Variants in SEPTIN10 observed in about 807,000 individuals in gnomAD.
The protein encoded by SEPTIN10 is septin-10.
SEPTIN10 carries 66 observed loss-of-function variants against 54.8 expected under a neutral mutation model. The ratio of observed to expected loss-of-function variants is 1.21; its 90% CI spans 0.99 to 1.48. SEPTIN10 has a LOEUF of 1.48. Among genes scored for constraint, SEPTIN10 ranks in the 40% most tolerant of loss-of-function variants. SEPTIN10 has a pLI of 0.00. For synonymous variants in SEPTIN10, 161 were observed against 181.0 expected, an observed-to-expected ratio of 0.89 and a Z score of 0.89; for missense variants, 620 against 545.6, an observed-to-expected ratio of 1.14 and a Z score of -1.36.
Position 109,593,120 on chromosome 2 carries a change from C to T in SEPTIN10, c.31-1G>A. On this transcript the variant is annotated splice_acceptor_variant, in intron 1 of 10. Coordinates refer to ENST00000397712, the MANE Select transcript of SEPTIN10 (RefSeq NM_144710.5). LOFTEE classifies it high-confidence loss of function. ...TCGTTGCCATGTGAGACTGAAAGAG[C>T]TAAAAAAGGAATACAAAGGCTTAAA... 1 of 1,589,488 alleles carries T rather than the reference C, an allele frequency of 6.3e-7. No homozygotes were observed. The highest frequency in any genetic ancestry group is 2.3e-5 in the East Asian group (1 of 44,056).
At chr2:109,593,296 G>GT (rs902744142) in intron 1 of SEPTIN10, among the ~76,000 whole-genome samples, 177 bp from the exon 2 acceptor site, 121 of 152,102 alleles carry the variant, frequency 8.0e-4, no homozygotes, top group African/African-American at 2.9e-3. Flanking sequence ...TGCTGGATAG[G>GT]TATCTACATA....
intron 8 of SEPTIN10, among the ~76,000 whole-genome samples, chr2:109,559,702 C>A (rs1472726764): frequency 6.6e-6 from 1 of 152,162 alleles, no homozygotes; most frequent in Non-Finnish European, 1.5e-5. Context: ...CACACTCACT[C>A]CTAAACAAGA....
rs540643237 is a variant in SEPTIN10 at position 109,563,438 on chromosome 2, A to G, written c.1028+928T>C. Among the ~76,000 whole-genome samples, 22 of 152,352 alleles carry G rather than the reference A, an allele frequency of 1.4e-4. No homozygotes were observed. In the South Asian group the frequency reaches 4.4e-3, roughly 30 times the overall value. On this transcript the variant is annotated intron_variant, in intron 8 of 10. Coordinates refer to ENST00000397712, the MANE Select transcript of SEPTIN10 (RefSeq NM_144710.5). ...AACAAATGCAAACAATGCAATGGAAAAGGAATCCTCAGTCTCATAAGAGAG... is the reference window on the plus strand; with the variant it reads ...AACAAATGCAAACAATGCAATGGAAGAGGAATCCTCAGTCTCATAAGAGAG...
chr2:109,568,114 A>C, intron 5 of SEPTIN10, 138 bp from the exon 6 acceptor site: 1 of 638,002 alleles, frequency 1.6e-6, no homozygotes, highest in Non-Finnish European at 2.7e-6. Flanking sequence ...ACTACGGTCC[A>C]TCTCGCTGTT....
At chr2:109,564,671 GATT>G in intron 7 of SEPTIN10, 137 bp from the exon 8 acceptor site, 1 of 714,906 alleles carries the variant, frequency 1.4e-6, no homozygotes, top group South Asian at 4.3e-5. Flanking sequence ...TAACAGCTAC[GATT>G]ATTTTATACA....
chr2:109,600,212 T>C (rs1696313887), intron 1 of SEPTIN10, among the ~76,000 whole-genome samples: 2 of 152,144 alleles, frequency 1.3e-5, no homozygotes, highest in Non-Finnish European at 2.9e-5. Flanking sequence ...CCTTCTTTCC[T>C]TGCACGGCTA....
intron 8 of SEPTIN10, among the ~76,000 whole-genome samples, chr2:109,557,563 G>A (rs1409444275): frequency 1.3e-5 from 2 of 152,224 alleles, no homozygotes; most frequent in African/African-American, 4.8e-5. Context: ...TGGTGTCTCA[G>A]CAGGAGAAAG....
At chr2:109,548,461 C>T (rs750883455) in intron 9 of SEPTIN10, among the ~76,000 whole-genome samples, 5 of 152,094 alleles carry the variant, frequency 3.3e-5, no homozygotes, top group Admixed American at 6.5e-5. Flanking sequence ...GAGGTTTACA[C>T]GCATGAGCCA....
chr2:109,595,495 T>C (rs7590230), intron 1 of SEPTIN10, among the ~76,000 whole-genome samples: 24,305 of 152,048 alleles, frequency 0.16, 2,448 homozygotes, highest in Non-Finnish European at 0.23. Context: ...CTCTAGTCTG[T>C]AGGACAGAAA....
intron 8 of SEPTIN10, among the ~76,000 whole-genome samples, chr2:109,562,348 C>T (rs1317648411): frequency 6.6e-6 from 1 of 151,996 alleles, no homozygotes; most frequent in Admixed American, 6.6e-5. Flanking sequence ...AACCTCCTAA[C>T]TTGGTCTCCC....
At position 109,562,080 on chromosome 2, in the gene SEPTIN10, G is replaced by A. The variant is rs1303923690; in HGVS notation, c.1028+2286C>T. Among the ~76,000 whole-genome samples the A allele has an allele frequency of 2.6e-5, 4 of 151,932 alleles. No individual in the cohort carries two copies. In the East Asian group the frequency reaches 5.8e-4, roughly 22 times the overall value. ...ACACAAAAATTAGCTGGGGGTGGTG[G>A]TGCATGCCTATAGTCCCAGCTACTC... On this transcript the variant is annotated intron_variant, in intron 8 of 10. Coordinates refer to ENST00000397712, the MANE Select transcript of SEPTIN10 (RefSeq NM_144710.5).
At chr2:109,544,997 G>A (rs1680817506) in intron 10 of SEPTIN10, 1 of 985,334 alleles carries the variant, frequency 1.0e-6, no homozygotes, top group South Asian at 4.7e-5. Context: ...AAGTCCTGTG[G>A]TTTACTTCTC....
Position 109,585,323 on chromosome 2 carries a change from T to G in SEPTIN10, c.218-2A>C. 6.3e-7 allele frequency: 1 copy of G among 1,596,146 alleles called. No homozygotes were observed. The highest frequency in any genetic ancestry group is 1.1e-5 in the South Asian group (1 of 87,650). On this transcript the variant is annotated splice_acceptor_variant, in intron 3 of 10. Transcript: ENST00000397712. LOFTEE classifies it high-confidence loss of function. ...TTGATTTTCCAATTCCAGTTTCCCC[T>G]GAAACACACAAAGGTACATCTTTAT... is the stretch of plus-strand genomic sequence containing the variant.
At position 109,585,133 on chromosome 2, in the gene SEPTIN10, CTTTA is replaced by C. The variant is rs1692179850; in HGVS notation, c.402_405del (p.Asn134LysfsTer8). ...CAAGAAGAAAACACATACCTCTCTT[CTTTA>C]TTTATTTGGTCACCAAATCCCACTG... is the stretch of plus-strand genomic sequence containing the variant. On this transcript the variant is annotated frameshift_variant, in exon 4 of 11. Transcript: ENST00000397712. LOFTEE classifies it high-confidence loss of function. 4.5e-6 allele frequency: 7 copies of C among 1,571,420 alleles called. No individual in the cohort carries two copies. Among genetic ancestry groups the C allele is most frequent in the African/African-American group, 1.4e-5 (1 of 73,026 alleles).
At chr2:109,550,805 G>A (rs1036389117) in intron 9 of SEPTIN10, among the ~76,000 whole-genome samples, 2 of 152,024 alleles carry the variant, frequency 1.3e-5, no homozygotes, top group African/African-American at 2.4e-5. Flanking sequence ...CCCCTTCTTC[G>A]TACCCTGTAT....
In SEPTIN10 at chr2:109,543,088, T is replaced by C. The variant is rs1680367936; in HGVS notation, c.*1221A>G. The C allele has an allele frequency of 6.6e-6, 1 of 152,626 alleles. No homozygotes were observed. The highest frequency in any genetic ancestry group is 1.5e-5 in the Non-Finnish European group (1 of 68,028). The allele number at this position is 152,626 out of a possible 1,614,324, so 9.5% of individuals were successfully genotyped here. A position where few individuals can be genotyped will look rare whatever the true frequency, so the allele number is the denominator to read the frequency against. ...TATATCTATGACTGTTAAGAAATGT[T>C]AGAAATCATTAAAATGTTCTGAGAA... is the stretch of plus-strand genomic sequence containing the variant. On this transcript the variant is annotated 3_prime_UTR_variant, in exon 11 of 11. Transcript: ENST00000397712.
chr2:109,572,844 T>C (rs888873840), intron 5 of SEPTIN10, among the ~76,000 whole-genome samples: 1 of 152,092 alleles, frequency 6.6e-6, no homozygotes, highest in African/African-American at 2.4e-5. Context: ...CTCAAACTCC[T>C]GACCTTGTGA....
chr2:109,585,823 G>GA lies in SEPTIN10; in HGVS notation c.114dup (p.Arg39SerfsTer12). The GA allele has an allele frequency of 6.2e-7, 1 of 1,607,790 alleles. No homozygotes were observed. Among genetic ancestry groups the GA allele is most frequent in the Non-Finnish European group, 8.5e-7 (1 of 1,176,594 alleles). On this transcript the variant is annotated frameshift_variant, in exon 3 of 11. Coordinates refer to ENST00000397712, the MANE Select transcript of SEPTIN10 (RefSeq NM_144710.5). LOFTEE classifies it high-confidence loss of function. ...ACATGGCCAGACATAGTCAACGAACGAATGTTTTCTCTTTTCTGAAGGAAA... is the reference window on the plus strand; with the variant it reads ...ACATGGCCAGACATAGTCAACGAACGAAATGTTTTCTCTTTTCTGAAGGAAA...
chr2:109,563,162 TG>T (rs1558744690), intron 8 of SEPTIN10, among the ~76,000 whole-genome samples: 1 of 152,116 alleles, frequency 6.6e-6, no homozygotes, highest in African/African-American at 2.4e-5. Context: ...CTGCCCGCCT[TG>T]GCCTCCCAAA....
Sources: gnomAD v4.1 joint callset for allele counts (sites outside exome capture counted in the v4.1 genomes callset) on GRCh38, gnomAD v4.1.1 for gene constraint, MANE v1.5 for transcripts, NCBI Gene and HGNC (gene_info 2026-07-23, HGNC 2026-07-21) for gene names.